SLC43A1: variants seen among roughly 807,000 people sequenced by gnomAD.
The protein encoded by SLC43A1 is solute carrier family 43 member 1, also known as large neutral amino acids transporter small subunit 3.
A neutral mutation model predicts 59.5 loss-of-function variants in SLC43A1; 31 were observed. The ratio of observed to expected loss-of-function variants is 0.52; its 90% CI spans 0.39 to 0.70. SLC43A1 has a LOEUF of 0.70. Ranked by LOEUF, SLC43A1 falls within the 30% of genes least tolerant of loss-of-function variation. SLC43A1 has a pLI of 0.00. For missense variants in SLC43A1, 598 were observed against 717.8 expected, an observed-to-expected ratio of 0.83 and a Z score of 1.91; for synonymous variants, 259 against 290.9, an observed-to-expected ratio of 0.89 and a Z score of 1.12.
intron 11 of SLC43A1, 104 bp from the exon 12 acceptor site, chr11:57,489,496 A>T (rs1186688685): frequency 3.7e-6 from 5 of 1,349,046 alleles, no homozygotes; most frequent in Non-Finnish European, 5.1e-6. Context: ...ATGTCAGGGC[A>T]GCAGAAAACA....
At chr11:57,498,770 C>G (rs1457438522) in intron 5 of SLC43A1, among the ~76,000 whole-genome samples, 3 of 152,118 alleles carry the variant, frequency 2.0e-5, no homozygotes, top group East Asian at 3.9e-4. Flanking sequence ...GTGGCTCTGA[C>G]GCAGAGCAGG....
At chr11:57,492,735 CAAAAAAAAAAAA>C (rs56237225) in intron 8 of SLC43A1, among the ~76,000 whole-genome samples, 2 of 83,512 alleles carry the variant, frequency 2.4e-5, no homozygotes, top group African/African-American at 9.9e-5. Context: ...CTCTATTTTA[CAAAAAAAAAAAA>C]AAAAAAAAAC....
At chr11:57,489,447 G>A in intron 11 of SLC43A1, 55 bp from the exon 12 acceptor site, 4 of 1,599,630 alleles carry the variant, frequency 2.5e-6, no homozygotes, top group Non-Finnish European at 8.5e-7. Flanking sequence ...GGACTCCCTG[G>A]TTCTTGGCCT....
chr11:57,510,638 G>C (rs1020141514), intron 2 of SLC43A1, among the ~76,000 whole-genome samples: 9 of 151,366 alleles, frequency 5.9e-5, no homozygotes, highest in Non-Finnish European at 1.3e-4. Context: ...CACTTGGCTA[G>C]TCTTAAAAAT....
chr11:57,511,267 A>T (rs528739231), intron 2 of SLC43A1, among the ~76,000 whole-genome samples: 38 of 151,570 alleles, frequency 2.5e-4, no homozygotes, highest in South Asian at 6.3e-4. Flanking sequence ...CTATAAAAAA[A>T]TTTTTTTTTA....
At chr11:57,506,230 C>T (rs1384966150) in intron 2 of SLC43A1, among the ~76,000 whole-genome samples, 1 of 152,176 alleles carries the variant, frequency 6.6e-6, no homozygotes, top group Non-Finnish European at 1.5e-5. Flanking sequence ...CCTGCAGTCC[C>T]TGCAACTCCA....
chr11:57,508,988 C>T (rs185956907), intron 2 of SLC43A1, among the ~76,000 whole-genome samples: 3 of 151,802 alleles, frequency 2.0e-5, no homozygotes, highest in Non-Finnish European at 2.9e-5. Context: ...TGGTGGTACA[C>T]GCCTGTAATA....
chr11:57,490,183 T>C (rs1010297314), intron 11 of SLC43A1, among the ~76,000 whole-genome samples: 1 of 151,990 alleles, frequency 6.6e-6, no homozygotes, highest in African/African-American at 2.4e-5. Context: ...CAAGACTCCA[T>C]GGTGAATCCC....
At chr11:57,503,960 A>G (rs1005375995) in intron 2 of SLC43A1, among the ~76,000 whole-genome samples, 4 of 152,130 alleles carry the variant, frequency 2.6e-5, no homozygotes, top group Admixed American at 6.5e-5. Context: ...TTGGGAGGCC[A>G]AGGAGGGTAA....
rs117191404 is a variant in SLC43A1 at position 57,512,824 on chromosome 11, G to A, written c.154+1134C>T. On this transcript the variant is annotated intron_variant, in intron 2 of 14. Transcript: ENST00000278426. ...AGGCATGGGAGAGTCGCCATCTCTCGGTGCCATCTGTTGCATCTTTACAGA... is the reference window on the plus strand; with the variant it reads ...AGGCATGGGAGAGTCGCCATCTCTCAGTGCCATCTGTTGCATCTTTACAGA... Among the ~76,000 whole-genome samples, 165 of 152,118 alleles carry A rather than the reference G, an allele frequency of 1.1e-3. 1 individual carries two copies. The highest frequency in any genetic ancestry group is 2.1e-3 in the Non-Finnish European group (141 of 68,000).
intron 6 of SLC43A1, 63 bp from the exon 7 acceptor site, chr11:57,496,227 A>G (rs1590758712): frequency 3.2e-6 from 5 of 1,582,698 alleles, no homozygotes; most frequent in Admixed American, 1.8e-5. Flanking sequence ...ACCAAGGTAG[A>G]TCCCAGGCCT....
Position 57,506,361 on chromosome 11 carries a change from GTAAT to G in SLC43A1, c.155-5036_155-5033del, listed in dbSNP as rs201360800. Among the ~76,000 whole-genome samples, 254 of 152,018 alleles carry G rather than the reference GTAAT, an allele frequency of 1.7e-3. 2 individuals are homozygous for G. The East Asian group carries it at 0.02, about 12-fold the overall frequency. On this transcript the variant is annotated intron_variant, in intron 2 of 14. Coordinates refer to ENST00000278426, the MANE Select transcript of SLC43A1 (RefSeq NM_003627.6). ...ACCCTGTCTCAAAAAATAATAGTAAGTAATTAATTAAATAAAATTTTAAAATTAG... is the reference window on the plus strand; with the variant it reads ...ACCCTGTCTCAAAAAATAATAGTAAGTAATTAAATAAAATTTTAAAATTAG...
At chr11:57,491,171 T>G in intron 11 of SLC43A1, 53 bp downstream of exon 11, 9 of 1,461,092 alleles carry the variant, frequency 6.2e-6, no homozygotes, top group South Asian at 1.6e-5. Flanking sequence ...ACAGAGAAAA[T>G]GAAAAGCACT....
chr11:57,510,586 A>G (rs185990517), intron 2 of SLC43A1, among the ~76,000 whole-genome samples: 33 of 151,782 alleles, frequency 2.2e-4, no homozygotes, highest in Admixed American at 5.9e-4. Flanking sequence ...TGGTGTTTAC[A>G]CCTATTGATC....
Position 57,484,784 on chromosome 11 carries a change from A to G in SLC43A1, c.*312T>C, listed in dbSNP as rs1392042181. The G allele has an allele frequency of 1.2e-5, 3 of 260,544 alleles. No homozygotes were observed. The highest frequency in any genetic ancestry group is 2.2e-5 in the Non-Finnish European group (3 of 135,446). 16.1% of individuals were successfully genotyped at this position (260,544 alleles called of 1,614,324 possible). A position where few individuals can be genotyped will look rare whatever the true frequency, so the allele number is the denominator to read the frequency against. ...TAGCCTGTTTGCCGATCCCCCCAAG[A>G]GGTACCAGGAGGCAGACCGCTAGAA... On this transcript the variant is annotated 3_prime_UTR_variant, in exon 15 of 15. Coordinates refer to ENST00000278426, the MANE Select transcript of SLC43A1 (RefSeq NM_003627.6).
At chr11:57,493,445 C>A (rs1943991247) in intron 8 of SLC43A1, among the ~76,000 whole-genome samples, 1 of 152,212 alleles carries the variant, frequency 6.6e-6, no homozygotes, top group African/African-American at 2.4e-5. Context: ...GTGATCTACA[C>A]AAGTCACATA....
chr11:57,492,801 G>A (rs1034009120), intron 8 of SLC43A1, among the ~76,000 whole-genome samples: 6 of 148,008 alleles, frequency 4.1e-5, no homozygotes, highest in East Asian at 2.0e-4. Flanking sequence ...CAAAACTTTC[G>A]GAGGCTGAGG....
rs1049249295 is a variant in SLC43A1, at chr11:57,491,420, C to A, written c.1055-58G>T. On this transcript the variant is annotated intron_variant, in intron 10 of 14. Transcript: ENST00000278426. ...AACTGGCACTCAGTGGACACTATCA[C>A]CCCTTCCAGCGGAGGCCAGAGAGCA... 4 of 1,563,260 alleles carry A rather than the reference C, an allele frequency of 2.6e-6. No individual in the cohort carries two copies. The African/African-American group carries it at 4.1e-5, about 16-fold the overall frequency.
intron 2 of SLC43A1, among the ~76,000 whole-genome samples, chr11:57,509,652 G>GGAAGGAA (rs1407330222): frequency 3.3e-3 from 302 of 90,264 alleles, no homozygotes; most frequent in Middle Eastern, 5.7e-3. Context: ...GAAGGAAGGA[G>GGAAGGAA]GGAGGGAGGG....
Sources: allele counts gnomAD v4.1 joint callset (sites outside exome capture counted in the v4.1 genomes callset), GRCh38; gene constraint gnomAD v4.1.1; transcripts MANE v1.5; gene names NCBI Gene and HGNC (gene_info 2026-07-23, HGNC 2026-07-21).